AP2A2: variants seen among roughly 807,000 people sequenced by gnomAD.
AP2A2 encodes adaptor related protein complex 2 subunit alpha 2.
AP2A2 carries 32 observed loss-of-function variants against 104.2 expected under a neutral mutation model. That is an observed-to-expected ratio of 0.31 (90% confidence interval 0.23 to 0.41). AP2A2 has a LOEUF of 0.41. Ranked by LOEUF, AP2A2 falls within the 10% of genes least tolerant of loss-of-function variation. The pLI, the probability that AP2A2 is intolerant of heterozygous loss-of-function variation, is 1.00. For synonymous variants in AP2A2, 539 were observed against 533.3 expected, an observed-to-expected ratio of 1.01 and a Z score of -0.15; for missense variants, 912 against 1,261.0, an observed-to-expected ratio of 0.72 and a Z score of 4.19.
At chr11:960,289 G>A (rs1355774499) in intron 2 of AP2A2, among the ~76,000 whole-genome samples, 1 of 150,076 alleles carries the variant, frequency 6.7e-6, no homozygotes, top group African/African-American at 2.5e-5. Flanking sequence ...GTCGCTCAGT[G>A]TGGAGTGCAG....
At chr11:938,778 T>C (rs1011395084) in intron 1 of AP2A2, among the ~76,000 whole-genome samples, 6 of 152,074 alleles carry the variant, frequency 3.9e-5, no homozygotes, top group African/African-American at 1.4e-4. Flanking sequence ...CCGGCCCAAA[T>C]GTTTGTATGT....
chr11:987,352 A>G (rs1256965452), intron 9 of AP2A2, among the ~76,000 whole-genome samples: 2 of 152,218 alleles, frequency 1.3e-5, no homozygotes, highest in African/African-American at 2.4e-5. Flanking sequence ...TTCGGGGATT[A>G]AAATTTCAGA....
At chr11:1,010,143 G>A (rs1331921205) in intron 21 of AP2A2, 13 of 467,232 alleles carry the variant, frequency 2.8e-5, no homozygotes, top group South Asian at 6.4e-5. Flanking sequence ...GGCCCTGGGC[G>A]GTGGCTCTCC....
chr11:1,007,780 T>A, intron 17 of AP2A2: 1 of 609,082 alleles, frequency 1.6e-6, no homozygotes, highest in Non-Finnish European at 2.9e-6. Context: ...ATAATCTAAG[T>A]GACTTTTTAA....
chr11:998,442 G>T (rs943967417), intron 14 of AP2A2, among the ~76,000 whole-genome samples: 2 of 150,268 alleles, frequency 1.3e-5, no homozygotes, highest in African/African-American at 2.5e-5. Flanking sequence ...CACACATGTA[G>T]TTTTTTTGAA....
rs780608284 is a variant in AP2A2 at position 986,855 on chromosome 11, C to T, written c.1033C>T (p.Arg345Cys). ...TCTGCAGCACCGCGAGACCAACCTG[C>T]GCTACCTGGCCCTGGAGAGCATGTG... Reference protein sequence around the residue: ...QFLQHRETNLRYLALESMCTL... With the variant: ...QFLQHRETNLCYLALESMCTL... Residue 345 changes from arginine to cysteine, a missense_variant, in exon 9 of 22, where the codon CGC becomes TGC. By Grantham distance (180) the Arg-to-Cys change is radical. Around this residue, in one of 7 missense-constraint regions of AP2A2, gnomAD observed 350 missense variants for 487.0 expected, o/e 0.72. Transcript: ENST00000448903. The T allele has an allele frequency of 4.3e-6, 7 of 1,612,226 alleles. No homozygotes were observed. The highest frequency in any genetic ancestry group is 5.9e-6 in the Non-Finnish European group (7 of 1,179,400).
In AP2A2 at chr11:993,603, C is replaced by T. The variant is rs888740617; in HGVS notation, c.1551-151C>T. 4.6e-6 allele frequency: 3 copies of T among 658,710 alleles called. No homozygotes were observed. The highest frequency in any genetic ancestry group is 1.8e-5 in the African/African-American group (1 of 54,942). 40.8% of individuals were successfully genotyped at this position (658,710 alleles called of 1,614,324 possible). On this transcript the variant is annotated intron_variant, in intron 12 of 21. Coordinates refer to ENST00000448903, the MANE Select transcript of AP2A2 (RefSeq NM_012305.4). This position sits in a 1 kb window ranked among gnomAD's most constrained non-coding sequence, Gnocchi z 8.2. Reference sequence around the variant, plus strand: ...ATGGCTGACTTAGTGAAAGGGGCGTCTTTGCGGTGGGATCTGGAGCTGGAA... The same window carrying T: ...ATGGCTGACTTAGTGAAAGGGGCGTTTTTGCGGTGGGATCTGGAGCTGGAA...
chr11:936,229 T>TTTTA (rs1245738373), intron 1 of AP2A2, among the ~76,000 whole-genome samples: 1 of 140,806 alleles, frequency 7.1e-6, no homozygotes, highest in Non-Finnish European at 1.5e-5. Flanking sequence ...TTTTTTTTTT[T>TTTTA]AAAGATATAG....
chr11:985,046 C>T (rs919086612), intron 7 of AP2A2, among the ~76,000 whole-genome samples: 1 of 152,154 alleles, frequency 6.6e-6, no homozygotes, highest in African/African-American at 2.4e-5. Flanking sequence ...TGCAGTGACG[C>T]GACCTCAGCT....
At chr11:934,554 A>G (rs1295248868) in intron 1 of AP2A2, among the ~76,000 whole-genome samples, 1 of 151,980 alleles carries the variant, frequency 6.6e-6, no homozygotes, top group Non-Finnish European at 1.5e-5. Context: ...CTCCCCATTT[A>G]CCTTTCTTCT....
chr11:952,870 G>A (rs999779446), intron 1 of AP2A2, among the ~76,000 whole-genome samples: 5 of 152,190 alleles, frequency 3.3e-5, no homozygotes, highest in African/African-American at 7.2e-5. Flanking sequence ...CGGTGGGGTG[G>A]TTGAAGTCCT....
chr11:981,362 G>A (rs530990765), intron 6 of AP2A2, 63 bp downstream of exon 6: 28 of 1,339,358 alleles, frequency 2.1e-5, no homozygotes, highest in Non-Finnish European at 2.8e-5. Context: ...TTATTTATTA[G>A]CTTATTTGTA....
intron 14 of AP2A2, among the ~76,000 whole-genome samples, chr11:999,803 C>CTT (rs71022992): frequency 2.3e-4 from 29 of 124,680 alleles, no homozygotes; most frequent in African/African-American, 4.4e-4. Flanking sequence ...TTAGTTCTTT[C>CTT]TTTTTTTTTT....
chr11:994,843 G>A (rs556206207), intron 14 of AP2A2, among the ~76,000 whole-genome samples: 257 of 127,362 alleles, frequency 2.0e-3, no homozygotes, highest in African/African-American at 7.6e-3. Flanking sequence ...GGCCTGTCCC[G>A]GGGGCCACTG....
intron 2 of AP2A2, among the ~76,000 whole-genome samples, chr11:966,797 C>G (rs1311617224): frequency 6.6e-6 from 1 of 152,144 alleles, no homozygotes; most frequent in Admixed American, 6.5e-5. Context: ...TCCCAACTTT[C>G]AGGTCAAGAG....
intron 3 of AP2A2, 141 bp from the exon 4 acceptor site, chr11:971,921 C>G: frequency 2.6e-6 from 2 of 772,188 alleles, no homozygotes; most frequent in Non-Finnish European, 4.1e-6. Flanking sequence ...AGAGGCGCCG[C>G]TCCCACAGCA....
intron 4 of AP2A2, among the ~76,000 whole-genome samples, chr11:975,737 C>T (rs547963003): frequency 6.6e-6 from 1 of 151,100 alleles, no homozygotes; most frequent in East Asian, 2.0e-4. Context: ...GCTGTGGGAT[C>T]CTTGGTCTCC....
chr11:966,680 C>T (rs994290901), intron 2 of AP2A2, among the ~76,000 whole-genome samples: 30 of 152,216 alleles, frequency 2.0e-4, no homozygotes, highest in East Asian at 7.7e-4. Context: ...ACCCTGCCCC[C>T]GAGGGTGTGA....
chr11:994,952 C>T (rs55718717), intron 14 of AP2A2, among the ~76,000 whole-genome samples: 2 of 104,768 alleles, frequency 1.9e-5, no homozygotes, highest in African/African-American at 6.3e-5. Context: ...CTGCACACCC[C>T]GCTGGCTTGT....
Sources: gnomAD v4.1 joint callset for allele counts (sites outside exome capture counted in the v4.1 genomes callset) on GRCh38, gnomAD v4.1.1 for gene constraint, gnomAD v4.1.1 regional missense constraint, Gnocchi (gnomAD v3.1) non-coding constraint, MANE v1.5 for transcripts, NCBI Gene and HGNC (gene_info 2026-07-23, HGNC 2026-07-21) for gene names.